The following ADAM32 variants were observed in gnomAD, a reference collection of about 807,000 sequenced individuals.
ADAM32 encodes the protein ADAM metallopeptidase domain 32.
Under a neutral mutation model 114.9 loss-of-function variants are expected in ADAM32, and 89 were observed. The ratio of observed to expected loss-of-function variants is 0.77; its 90% CI spans 0.65 to 0.92. The LOEUF is 0.92. Ranked by LOEUF, ADAM32 falls within the 40% of genes least tolerant of loss-of-function variation. The pLI is 0.00. For synonymous variants in ADAM32, 285 were observed against 307.5 expected (o/e 0.93, Z 0.77); for missense variants, 870 against 932.8 (o/e 0.93, Z 0.88).
chr8:39,114,146 A>G (rs1299647418), intron 1 of ADAM32, among the ~76,000 whole-genome samples: 1 of 152,214 alleles, frequency 6.6e-6, no homozygotes, highest in Non-Finnish European at 1.5e-5. Flanking sequence ...ATAAGTCCCT[A>G]TTCTGATCAA....
intron 10 of ADAM32, among the ~76,000 whole-genome samples, chr8:39,171,804 A>C (rs1315806269): frequency 1.3e-5 from 2 of 151,200 alleles, no homozygotes; most frequent in Admixed American, 1.3e-4. Flanking sequence ...TTATGTTTAA[A>C]TATATATATT....
rs1410685793 is a variant in ADAM32, at chr8:39,151,497, C to A, written c.474C>A (p.Asp158Glu). Reference protein sequence around the residue: ...NEDNDIAIFIDRSLKEQPMDD... With the variant: ...NEDNDIAIFIERSLKEQPMDD... ...ACAATGATATTGCAATTTTTATTGA[C>A]AGAAGCCTGAAAGAACAACCAATGG... Residue 158 changes from aspartate (D) to glutamate (E), a missense_variant, in exon 6 of 25, where the codon GAC becomes GAA. Physicochemically the swap from Asp to Glu is conservative, Grantham distance 45 (BLOSUM62 2). Transcript: ENST00000379907. The A allele has an allele frequency of 6.3e-6, 10 of 1,597,288 alleles. No homozygotes were observed. In the South Asian group the frequency reaches 1.0e-4, roughly 17 times the overall value.
intron 16 of ADAM32, among the ~76,000 whole-genome samples, chr8:39,244,971 A>C (rs996075949): frequency 6.6e-6 from 1 of 152,238 alleles, no homozygotes; most frequent in African/African-American, 2.4e-5. Context: ...ACAAGAACCC[A>C]AAAGCAAATG....
chr8:39,131,834 A>C (rs186874114), intron 2 of ADAM32, among the ~76,000 whole-genome samples: 1 of 152,176 alleles, frequency 6.6e-6, no homozygotes, highest in East Asian at 1.9e-4. Context: ...TTTATTTTCA[A>C]CCTATTTGTG....
At chr8:39,259,665 G>T (rs1316505276) in intron 19 of ADAM32, among the ~76,000 whole-genome samples, 1 of 151,852 alleles carries the variant, frequency 6.6e-6, no homozygotes, top group Admixed American at 6.6e-5. Flanking sequence ...TGTTATTTTT[G>T]TTATTATCAT....
chr8:39,266,016 TCTG>T (rs1376590556), intron 19 of ADAM32, among the ~76,000 whole-genome samples: 1 of 152,254 alleles, frequency 6.6e-6, no homozygotes, highest in East Asian at 1.9e-4. Context: ...TTGTAAGGTT[TCTG>T]CAGAAAATTC....
intron 22 of ADAM32, among the ~76,000 whole-genome samples, chr8:39,277,819 A>G (rs2129451622): frequency 6.6e-6 from 1 of 152,356 alleles, no homozygotes; most frequent in East Asian, 1.9e-4. Flanking sequence ...TGTGACTCCG[A>G]AAACCCCAGA....
At chr8:39,160,506 C>T (rs1564507534) in intron 6 of ADAM32, among the ~76,000 whole-genome samples, 1 of 123,566 alleles carries the variant, frequency 8.1e-6, no homozygotes, top group African/African-American at 3.1e-5. Flanking sequence ...CGCCACTGCA[C>T]TATAGCCTGG....
chr8:39,222,439 A>G (rs1188981694), intron 13 of ADAM32, among the ~76,000 whole-genome samples: 1 of 152,074 alleles, frequency 6.6e-6, no homozygotes, highest in Non-Finnish European at 1.5e-5. Context: ...TCATCAATTA[A>G]GAATTATGAG....
chr8:39,109,559 TAAAA>T (rs529943101), intron 1 of ADAM32, among the ~76,000 whole-genome samples: 6 of 149,248 alleles, frequency 4.0e-5, no homozygotes, highest in African/African-American at 9.8e-5. Flanking sequence ...AAAAATAAAA[TAAAA>T]AAAAAATATT....
At chr8:39,270,973 A>G in intron 20 of ADAM32, 59 bp downstream of exon 20, 6 of 1,500,276 alleles carry the variant, frequency 4.0e-6, no homozygotes, top group Non-Finnish European at 4.5e-6. Context: ...TTAATTGATA[A>G]TTCACAATTT....
At chr8:39,139,391 A>G (rs1328784595) in intron 3 of ADAM32, among the ~76,000 whole-genome samples, 1 of 152,188 alleles carries the variant, frequency 6.6e-6, no homozygotes, top group Non-Finnish European at 1.5e-5. Context: ...CTTTCTATAT[A>G]TGGCTAGCCA....
intron 10 of ADAM32, among the ~76,000 whole-genome samples, chr8:39,183,657 G>C (rs1327814590): frequency 6.6e-6 from 1 of 152,170 alleles, no homozygotes; most frequent in African/African-American, 2.4e-5. Flanking sequence ...AAAATCATTA[G>C]TGACATCCTT....
intron 2 of ADAM32, among the ~76,000 whole-genome samples, chr8:39,125,713 T>C (rs1464925826): frequency 2.0e-5 from 3 of 152,216 alleles, no homozygotes; most frequent in Admixed American, 6.5e-5. Context: ...TTGCAATTGC[T>C]TTTGGTGTTT....
intron 16 of ADAM32, among the ~76,000 whole-genome samples, chr8:39,245,025 A>C (rs1478757600): frequency 1.3e-5 from 2 of 152,176 alleles, no homozygotes; most frequent in Non-Finnish European, 2.9e-5. Flanking sequence ...TTAAACTAAA[A>C]AGCTTCTGCA....
intron 12 of ADAM32, among the ~76,000 whole-genome samples, chr8:39,219,716 C>A (rs1414015508): frequency 6.6e-6 from 1 of 152,164 alleles, no homozygotes; most frequent in African/African-American, 2.4e-5. Context: ...CATTCAAGAG[C>A]AAGTTGTTTA....
intron 3 of ADAM32, among the ~76,000 whole-genome samples, chr8:39,145,446 C>T (rs967605492): frequency 6.6e-6 from 1 of 151,986 alleles, no homozygotes; most frequent in Non-Finnish European, 1.5e-5. Flanking sequence ...TAAATTAAAC[C>T]ACAGAAATGA....
intron 11 of ADAM32, among the ~76,000 whole-genome samples, chr8:39,199,998 C>G (rs1402833808): frequency 1.3e-5 from 2 of 152,176 alleles, no homozygotes; most frequent in Non-Finnish European, 2.9e-5. Context: ...ATATGTGCCA[C>G]ATTTTCTTAA....
chr8:39,146,625 G>A (rs1286386703), intron 3 of ADAM32, among the ~76,000 whole-genome samples: 1 of 152,164 alleles, frequency 6.6e-6, no homozygotes, highest in African/African-American at 2.4e-5. Flanking sequence ...TGGCCAGGCT[G>A]GTCTCAAACT....
Sources: allele counts gnomAD v4.1 joint callset (sites outside exome capture counted in the v4.1 genomes callset), GRCh38; gene constraint gnomAD v4.1.1; transcripts MANE v1.5; gene names NCBI Gene and HGNC (gene_info 2026-07-23, HGNC 2026-07-21).